PPP1R13B: variants seen among roughly 807,000 people sequenced by gnomAD.
PPP1R13B encodes protein phosphatase 1 regulatory subunit 13B.
Under a neutral mutation model 119.8 loss-of-function variants are expected in PPP1R13B, and 44 were observed. That is an observed-to-expected ratio of 0.37 (90% CI 0.29 to 0.47). The LOEUF (loss-of-function observed/expected upper bound fraction) is 0.47, where lower values mean the gene tolerates loss of function less well. Among genes scored for constraint, PPP1R13B ranks in the 20% least tolerant of loss-of-function variants. The pLI, the probability that PPP1R13B is intolerant of heterozygous loss-of-function variation, is 0.99. For synonymous variants in PPP1R13B, 542 were observed against 561.5 expected (o/e 0.97, Z 0.49); for missense variants, 1,227 against 1,413.5 (o/e 0.87, Z 2.12).
intron 7 of PPP1R13B, 130 bp downstream of exon 7, chr14:103,752,870 A>G (rs2084585446): frequency 5.8e-6 from 6 of 1,028,626 alleles, no homozygotes; most frequent in Non-Finnish European, 5.6e-6. Flanking sequence ...TGTACTGAAT[A>G]TATCTTGTGC....
intron 4 of PPP1R13B, among the ~76,000 whole-genome samples, chr14:103,764,769 G>A (rs1270507657): frequency 1.3e-5 from 2 of 151,444 alleles, no homozygotes; most frequent in East Asian, 1.9e-4. Flanking sequence ...CTATTCTCTT[G>A]AACATACCAA....
intron 12 of PPP1R13B, 53 bp downstream of exon 12, chr14:103,739,745 GACCAAGGGAAGGACCCCAGAGGTCCT>G: frequency 6.9e-7 from 1 of 1,456,016 alleles, no homozygotes; most frequent in South Asian, 1.4e-5. Context: ...AGCACAGCCT[GACCAAGGGAAGGACCCCAGAGGTCCT>G]GGTTGCATGA....
At chr14:103,808,062 GA>G (rs1372407521) in intron 1 of PPP1R13B, among the ~76,000 whole-genome samples, 14 of 151,716 alleles carry the variant, frequency 9.2e-5, no homozygotes, top group Non-Finnish European at 1.9e-4. Context: ...CCAACATGGC[GA>G]AACCCCATCT....
Position 103,797,372 on chromosome 14 carries a change from A to G in PPP1R13B, c.156T>C (p.Asn52=), listed in dbSNP as rs759089749. ...ATCTTTACAGGACCTAATACATACC[A>G]TTTCCCCTCCACACTTCAGCTAAAT... ...SCHLAEVWRG[N]ERPIPFDHMM... is the part of the protein sequence containing the mutation. The change falls in exon 2 of 17, where the codon AAT becomes AAC. Residue 52 remains asparagine (N), a splice_region_variant and synonymous_variant. Coordinates refer to ENST00000202556, the MANE Select transcript of PPP1R13B (RefSeq NM_015316.3). The G allele has an allele frequency of 4.6e-5, 75 of 1,613,330 alleles. No homozygotes were observed. In the Admixed American group the frequency reaches 1.2e-3, roughly 27 times the overall value.
At chr14:103,788,366 G>C (rs2085523128) in intron 2 of PPP1R13B, among the ~76,000 whole-genome samples, 1 of 152,100 alleles carries the variant, frequency 6.6e-6, no homozygotes, top group East Asian at 1.9e-4. Flanking sequence ...ATATTACAAT[G>C]CTATCACATC....
At chr14:103,827,025 CA>C (rs2086561728) in intron 1 of PPP1R13B, among the ~76,000 whole-genome samples, 1 of 143,320 alleles carries the variant, frequency 7.0e-6, no homozygotes. Flanking sequence ...AAAAAAAAGG[CA>C]AAAAAAAGTA....
At chr14:103,780,645 TC>T (rs2085315540) in intron 3 of PPP1R13B, among the ~76,000 whole-genome samples, 1 of 151,026 alleles carries the variant, frequency 6.6e-6, no homozygotes, top group Non-Finnish European at 1.5e-5. Flanking sequence ...AAACCCCATC[TC>T]TACTAAAAAT....
chr14:103,762,534 C>T (rs2084832411), intron 4 of PPP1R13B, among the ~76,000 whole-genome samples: 1 of 150,274 alleles, frequency 6.7e-6, no homozygotes, highest in Non-Finnish European at 1.5e-5. Context: ...ACCAACATGG[C>T]ACATGTATAC....
At chr14:103,736,450 T>A in intron 15 of PPP1R13B, 1 of 576,620 alleles carries the variant, frequency 1.7e-6, no homozygotes, top group East Asian at 2.9e-5. Context: ...ACAAACGAGC[T>A]CCTGAGCCCC....
chr14:103,794,151 G>A (rs2085697093), intron 2 of PPP1R13B, among the ~76,000 whole-genome samples: 1 of 152,094 alleles, frequency 6.6e-6, no homozygotes, highest in Non-Finnish European at 1.5e-5. Flanking sequence ...ATAAATTACT[G>A]TTGTTTAAGC....
upstream of PPP1R13B, among the ~76,000 whole-genome samples, chr14:103,848,696 T>G (rs535055757): frequency 1.2e-4 from 18 of 152,308 alleles, no homozygotes; most frequent in African/African-American, 3.8e-4. Context: ...TCGGAGAGGC[T>G]TCTGGCTGCT....
intron 4 of PPP1R13B, among the ~76,000 whole-genome samples, chr14:103,776,160 GGAAGGGAA>G (rs2152011501): frequency 7.6e-6 from 1 of 132,410 alleles, no homozygotes; most frequent in Middle Eastern, 3.5e-3. Context: ...AAGGAAGGGA[GGAAGGGAA>G]GGAGGGAGGG....
intron 4 of PPP1R13B, among the ~76,000 whole-genome samples, chr14:103,770,655 T>C (rs1323436133): frequency 6.6e-6 from 1 of 151,986 alleles, no homozygotes; most frequent in Admixed American, 6.6e-5. Flanking sequence ...AGAAAACGCA[T>C]CCCATGCCAC....
chr14:103,742,399 T>C lies in PPP1R13B; in HGVS notation c.1321-108A>G, dbSNP rs74085289. On this transcript the variant is annotated intron_variant, in intron 10 of 16. Coordinates refer to ENST00000202556, the MANE Select transcript of PPP1R13B (RefSeq NM_015316.3). This position sits in a 1 kb window ranked among gnomAD's most constrained non-coding sequence, Gnocchi z 4.9. Reference sequence around the variant, plus strand: ...ACAGTAGAATTTGTAATCCGTCAAATTGGCTGTGACCAGGACTTGGGGCAC... The same window carrying C: ...ACAGTAGAATTTGTAATCCGTCAAACTGGCTGTGACCAGGACTTGGGGCAC... 19,581 of 1,435,978 alleles carry C rather than the reference T, an allele frequency of 0.014. 554 individuals are homozygous for C. Among genetic ancestry groups the C allele is most frequent in the African/African-American group, 0.12 (8,090 of 70,276 alleles). 89.0% of individuals were successfully genotyped at this position (1,435,978 alleles called of 1,614,324 possible). A position where few individuals can be genotyped will look rare whatever the true frequency, so the allele number is the denominator to read the frequency against.
intron 1 of PPP1R13B, among the ~76,000 whole-genome samples, chr14:103,827,298 T>C (rs991633634): frequency 3.3e-5 from 5 of 152,064 alleles, no homozygotes; most frequent in African/African-American, 9.7e-5. Context: ...ATCGCGCCAC[T>C]GCACTCCAAC....
At chr14:103,807,685 G>T (rs751978067) in intron 1 of PPP1R13B, among the ~76,000 whole-genome samples, 2 of 151,900 alleles carry the variant, frequency 1.3e-5, no homozygotes, top group African/African-American at 2.4e-5. Context: ...TAGAAGAGAC[G>T]GGGTTTCACC....
rs112271684 is a variant in PPP1R13B at position 103,847,414 on chromosome 14, G to A, written c.-107C>T. The stretch of plus-strand genomic sequence containing the variant: ...CCTAAGGCCGCGCTCCCGCCGCCGT[G>A]CTCTCCGGCCCGGCCGCGGCGAGGC... On this transcript the variant is annotated 5_prime_UTR_variant, in exon 1 of 17. Transcript: ENST00000202556. 9.7e-7 allele frequency: 1 copy of A among 1,032,796 alleles called. No homozygotes were observed. Among genetic ancestry groups the A allele is most frequent in the East Asian group, 7.5e-5 (1 of 13,310 alleles). 64.0% of individuals were successfully genotyped at this position (1,032,796 alleles called of 1,614,324 possible). A position where few individuals can be genotyped will look rare whatever the true frequency, so the allele number is the denominator to read the frequency against.
At chr14:103,820,975 T>C (rs952229053) in intron 1 of PPP1R13B, among the ~76,000 whole-genome samples, 1 of 152,196 alleles carries the variant, frequency 6.6e-6, no homozygotes, top group Non-Finnish European at 1.5e-5. Flanking sequence ...CTTAGTCCTT[T>C]TGAAAGCATT....
chr14:103,738,856 A>G lies in PPP1R13B; in HGVS notation c.2730+30T>C. On this transcript the variant is annotated intron_variant, in intron 13 of 16. Coordinates refer to ENST00000202556, the MANE Select transcript of PPP1R13B (RefSeq NM_015316.3). The surrounding 1 kb of genome is among the most constrained non-coding windows in gnomAD (Gnocchi z 5.6). The stretch of plus-strand genomic sequence containing the variant: ...GAGCGCCCATCCCCTCGCCCCCAGC[A>G]GCGTGCACTGGTCCCCGGCTGCAGC... 1 of 1,613,368 alleles carries G rather than the reference A, an allele frequency of 6.2e-7. No homozygotes were observed. Among genetic ancestry groups the G allele is most frequent in the Non-Finnish European group, 8.5e-7 (1 of 1,179,416 alleles).
Sources: gnomAD v4.1 joint callset for allele counts (sites outside exome capture counted in the v4.1 genomes callset) on GRCh38, gnomAD v4.1.1 for gene constraint, Gnocchi (gnomAD v3.1) non-coding constraint, MANE v1.5 for transcripts, NCBI Gene and HGNC (gene_info 2026-07-23, HGNC 2026-07-21) for gene names.